Variants in NTNG1 observed in about 807,000 individuals in gnomAD.
NTNG1 encodes the protein netrin G1.
NTNG1 carries 16 observed loss-of-function variants against 54.0 expected under a neutral mutation model. The observed-to-expected ratio is 0.30, with a 90% CI of 0.20 to 0.45. The LOEUF (loss-of-function observed/expected upper bound fraction) is 0.45, where lower values mean the gene tolerates loss of function less well. Among genes scored for constraint, NTNG1 ranks in the 20% least tolerant of loss-of-function variants. The pLI, the probability that NTNG1 is intolerant of heterozygous loss-of-function variation, is 1.00. For synonymous variants in NTNG1, 255 were observed against 263.1 expected (o/e 0.97, Z 0.30); for missense variants, 530 against 678.7 (o/e 0.78, Z 2.43).
At position 107,148,765 on chromosome 1, in the gene NTNG1, A is replaced by T; in HGVS notation, c.172A>T (p.Thr58Ser). Residue 58 changes from threonine (T) to serine (S), a missense_variant, in exon 2 of 8, where the codon ACA becomes TCA. Around this residue, in one of 2 missense-constraint regions of NTNG1, gnomAD observed 318 missense variants for 465.1 expected, o/e 0.68. Transcript: ENST00000370068. ...CTGCCAGCCGGAATCCACGGACATG[A>T]CAAAATATCTGAAAGTGAAACTCGA... ...MACQPESTDM[T>S]KYLKVKLDPP... is the part of the protein sequence containing the mutation. 6.2e-7 allele frequency: 1 copy of T among 1,613,786 alleles called. No individual in the cohort carries two copies. Among genetic ancestry groups the T allele is most frequent in the African/African-American group, 1.3e-5 (1 of 75,014 alleles).
intron 3 of NTNG1, among the ~76,000 whole-genome samples, chr1:107,357,442 G>T (rs1365318840): frequency 6.6e-6 from 1 of 152,116 alleles, no homozygotes; most frequent in South Asian, 2.1e-4. Flanking sequence ...CAAAGTCTTG[G>T]ACCCCAAAAT....
chr1:107,159,320 A>G (rs1362372415), intron 2 of NTNG1, among the ~76,000 whole-genome samples: 2 of 152,180 alleles, frequency 1.3e-5, no homozygotes, highest in Non-Finnish European at 2.9e-5. Context: ...CTATTTAGCC[A>G]TCACGGGAGA....
chr1:107,471,460 T>C (rs559179207), intron 7 of NTNG1, among the ~76,000 whole-genome samples: 64 of 152,262 alleles, frequency 4.2e-4, no homozygotes, highest in African/African-American at 9.6e-5. Flanking sequence ...ACCATCAACA[T>C]TGCAAAAGAC....
At chr1:107,318,469 GA>G (rs993438157) in intron 2 of NTNG1, among the ~76,000 whole-genome samples, 4 of 149,508 alleles carry the variant, frequency 2.7e-5, no homozygotes, top group Non-Finnish European at 4.5e-5. Context: ...AACAAGGAAA[GA>G]AAAAAAATCA....
intron 2 of NTNG1, among the ~76,000 whole-genome samples, chr1:107,175,449 A>G (rs550863420): frequency 7.9e-5 from 12 of 152,294 alleles, no homozygotes; most frequent in African/African-American, 2.9e-4. Flanking sequence ...TCTTAGAGCC[A>G]TGAGAACATT....
rs145051952 is a variant in NTNG1, at chr1:107,285,227, A to G, written c.247-39055A>G. ...GAATTATGCTCTATAATTTGAGAATACAAGAAAGCCTAACTTCAACCCATG... is the reference window on the plus strand; with the variant it reads ...GAATTATGCTCTATAATTTGAGAATGCAAGAAAGCCTAACTTCAACCCATG... On this transcript the variant is annotated intron_variant, in intron 2 of 7. Coordinates refer to ENST00000370068, the MANE Select transcript of NTNG1 (RefSeq NM_001113226.3). Among the ~76,000 whole-genome samples the G allele has an allele frequency of 8.5e-5, 13 of 152,280 alleles. No individual in the cohort carries two copies. In the East Asian group the frequency reaches 2.3e-3, roughly 27 times the overall value.
At chr1:107,350,863 T>C (rs964731052) in intron 3 of NTNG1, among the ~76,000 whole-genome samples, 1 of 152,166 alleles carries the variant, frequency 6.6e-6, no homozygotes, top group Admixed American at 6.6e-5. Context: ...GGAAAATTCT[T>C]GTCAAAAAGT....
At chr1:107,142,890 T>G (rs968964150) in intron 1 of NTNG1, among the ~76,000 whole-genome samples, 5 of 152,174 alleles carry the variant, frequency 3.3e-5, no homozygotes, top group Non-Finnish European at 5.9e-5. Context: ...TTGAATGCCT[T>G]ACCCGCCTCC....
At chr1:107,463,137 T>C (rs1677382731) in intron 7 of NTNG1, among the ~76,000 whole-genome samples, 1 of 152,230 alleles carries the variant, frequency 6.6e-6, no homozygotes, top group South Asian at 2.1e-4. Context: ...CAGTTAGGAA[T>C]GTTCTGTGCT....
intron 4 of NTNG1, among the ~76,000 whole-genome samples, chr1:107,402,444 G>C (rs1430718848): frequency 1.3e-5 from 2 of 152,114 alleles, no homozygotes; most frequent in African/African-American, 4.8e-5. Context: ...TCCACCTTCT[G>C]ATTAGCTAGT....
intron 2 of NTNG1, among the ~76,000 whole-genome samples, chr1:107,164,721 A>C (rs4462177): frequency 0.13 from 19,093 of 152,194 alleles, 1,488 homozygotes; most frequent in East Asian, 0.3. Flanking sequence ...TTGTGCAGTA[A>C]TGGTTTTGGT....
chr1:107,210,424 A>T (rs1276335847), intron 2 of NTNG1, among the ~76,000 whole-genome samples: 2 of 151,986 alleles, frequency 1.3e-5, no homozygotes, highest in Non-Finnish European at 2.9e-5. Context: ...AAGAGATGAA[A>T]CTGCCAGGGC....
Position 107,436,683 on chromosome 1 carries a change from T to C in NTNG1, c.1274T>C (p.Leu425Ser), listed in dbSNP as rs751990556. Residue 425 changes from leucine to serine, a missense_variant, in exon 7 of 8, where the codon TTG becomes TCG. Coordinates refer to ENST00000370068, the MANE Select transcript of NTNG1 (RefSeq NM_001113226.3). ...TCTACAGAGTGTTATTGTAACCCTT[T>C]GGGCTCAATCCATGATCGTTGTAAT... Reference protein sequence around the residue: ...NVCIECYCNPLGSIHDRCNGS... With the variant: ...NVCIECYCNPSGSIHDRCNGS... 12 of 1,613,590 alleles carry C rather than the reference T, an allele frequency of 7.4e-6. No homozygotes were observed. The highest frequency in any genetic ancestry group is 1.0e-5 in the Non-Finnish European group (12 of 1,179,650).
intron 5 of NTNG1, among the ~76,000 whole-genome samples, chr1:107,422,181 G>T (rs574365772): frequency 1.3e-5 from 2 of 152,084 alleles, no homozygotes; most frequent in South Asian, 2.1e-4. Context: ...TGGGTTGAGG[G>T]GAACCCAATT....
intron 2 of NTNG1, among the ~76,000 whole-genome samples, chr1:107,283,323 C>T (rs900812882): frequency 5.3e-5 from 8 of 152,098 alleles, no homozygotes; most frequent in African/African-American, 1.9e-4. Flanking sequence ...CCTACCAGCT[C>T]TTCTTTCCTA....
At chr1:107,311,059 C>T (rs1292727840) in intron 2 of NTNG1, among the ~76,000 whole-genome samples, 1 of 152,046 alleles carries the variant, frequency 6.6e-6, no homozygotes, top group Non-Finnish European at 1.5e-5. Flanking sequence ...AGAGCATATC[C>T]CTCTTCTCCA....
Position 107,465,006 on chromosome 1 carries a change from T to A in NTNG1, c.1391-15605T>A, listed in dbSNP as rs149598852. On this transcript the variant is annotated intron_variant, in intron 7 of 7. Coordinates refer to ENST00000370068, the MANE Select transcript of NTNG1 (RefSeq NM_001113226.3). ...TCCCCCTCCTTCTCTGTCCTCTTTA[T>A]CTCCCTCTACTGCCCTTCTCACCAC... Among the ~76,000 whole-genome samples, 566 of 152,222 alleles carry A rather than the reference T, an allele frequency of 3.7e-3. 4 individuals carry two copies. The highest frequency in any genetic ancestry group is 0.013 in the African/African-American group (544 of 41,534).
At chr1:107,182,559 T>G (rs185352176) in intron 2 of NTNG1, among the ~76,000 whole-genome samples, 17 of 152,282 alleles carry the variant, frequency 1.1e-4, no homozygotes, top group Non-Finnish European at 1.0e-4. Flanking sequence ...AAAATATCCT[T>G]CATTCCTTGC....
intron 3 of NTNG1, among the ~76,000 whole-genome samples, chr1:107,343,281 G>A (rs1417348600): frequency 1.3e-5 from 2 of 152,068 alleles, no homozygotes; most frequent in African/African-American, 4.8e-5. Flanking sequence ...CCTGGTCAAG[G>A]TTGTTGTCAA....
Sources: gnomAD v4.1 joint callset for allele counts (sites outside exome capture counted in the v4.1 genomes callset) on GRCh38, gnomAD v4.1.1 for gene constraint, gnomAD v4.1.1 regional missense constraint, MANE v1.5 for transcripts, NCBI Gene and HGNC (gene_info 2026-07-23, HGNC 2026-07-21) for gene names.